ITFG1: variants seen among roughly 807,000 people sequenced by gnomAD.
ITFG1 encodes the protein T-cell immunomodulatory protein.
A neutral mutation model predicts 81.8 loss-of-function variants in ITFG1; 34 were observed. The ratio of observed to expected loss-of-function variants is 0.42; its 90% CI spans 0.32 to 0.55. ITFG1 has a LOEUF of 0.55. Ranked by LOEUF, ITFG1 falls within the 20% of genes least tolerant of loss-of-function variation. The probability of loss-of-function intolerance (pLI) is 0.17; values close to 1 mark genes in which losing one functional copy is unlikely to be tolerated. For missense variants in ITFG1, 672 were observed against 755.4 expected (o/e 0.89, Z 1.29); for synonymous variants, 285 against 270.6 (o/e 1.05, Z -0.52).
At chr16:47,434,751 C>T (rs537743759) in intron 5 of ITFG1, among the ~76,000 whole-genome samples, 81 of 152,062 alleles carry the variant, frequency 5.3e-4, no homozygotes, top group African/African-American at 1.8e-3. Flanking sequence ...ACGATAGCAA[C>T]GACATGGAAT....
intron 14 of ITFG1, among the ~76,000 whole-genome samples, chr16:47,171,169 C>A (rs537194969): frequency 6.6e-6 from 1 of 151,872 alleles, no homozygotes; most frequent in South Asian, 2.1e-4. Flanking sequence ...TGCATGCCAC[C>A]ACACATGGCT....
intron 12 of ITFG1, among the ~76,000 whole-genome samples, chr16:47,254,599 A>G (rs2151540071): frequency 6.6e-6 from 1 of 152,322 alleles, no homozygotes; most frequent in East Asian, 1.9e-4. Context: ...ATTCTATTTT[A>G]AGAGTATAAA....
rs1357001819 is a variant in ITFG1, at chr16:47,396,114, C to T, written c.656-20174G>A. The T allele has an allele frequency of 3.1e-6, 3 of 965,668 alleles. No homozygotes were observed. The East Asian group carries it at 3.4e-4, about 111-fold the overall frequency. The allele number at this position is 965,668 out of a possible 1,614,324, so 59.8% of individuals were successfully genotyped here. A position where few individuals can be genotyped will look rare whatever the true frequency, so the allele number is the denominator to read the frequency against. Reference sequence around the variant, plus strand: ...CAGAAAACACTCACCTATCCCTTTCCATTTTCTTAAGTATAGTGTGGTGGG... The same window carrying T: ...CAGAAAACACTCACCTATCCCTTTCTATTTTCTTAAGTATAGTGTGGTGGG... On this transcript the variant is annotated intron_variant, in intron 6 of 17. Transcript: ENST00000320640.
chr16:47,273,122 T>C lies in ITFG1; in HGVS notation c.1071-12427A>G, dbSNP rs149324626. 5.9e-4 allele frequency among the ~76,000 whole-genome samples: 90 copies of C among 152,054 alleles called. 1 individual carries two copies. The East Asian group carries it at 0.01, about 17-fold the overall frequency. On this transcript the variant is annotated intron_variant, in intron 10 of 17. Coordinates refer to ENST00000320640, the MANE Select transcript of ITFG1 (RefSeq NM_030790.5). ...TCCTTGGCTGTCCTTAGAGCTCATG[T>C]CCATTTTAGTCATTTCTATATTCAG...
At chr16:47,410,743 C>A (rs1299727605) in intron 6 of ITFG1, among the ~76,000 whole-genome samples, 1 of 152,190 alleles carries the variant, frequency 6.6e-6, no homozygotes, top group Non-Finnish European at 1.5e-5. Context: ...CACCCCACAA[C>A]CCCCATAGAC....
At chr16:47,336,734 A>C (rs1967708879) in intron 8 of ITFG1, among the ~76,000 whole-genome samples, 1 of 151,220 alleles carries the variant, frequency 6.6e-6, no homozygotes, top group African/African-American at 2.4e-5. Context: ...GAGGCCGAGG[A>C]GGCGGGTCAC....
At chr16:47,326,809 T>A (rs1206378418) in intron 8 of ITFG1, among the ~76,000 whole-genome samples, 1 of 151,998 alleles carries the variant, frequency 6.6e-6, no homozygotes, top group African/African-American at 2.4e-5. Context: ...AAACCACTGC[T>A]CAAGGAAATA....
intron 14 of ITFG1, among the ~76,000 whole-genome samples, chr16:47,199,708 A>G (rs896041953): frequency 1.3e-5 from 2 of 152,192 alleles, no homozygotes; most frequent in African/African-American, 4.8e-5. Flanking sequence ...GGGATGATTC[A>G]AGCACATTAT....
intron 10 of ITFG1, among the ~76,000 whole-genome samples, chr16:47,284,802 T>G (rs1966863546): frequency 1.3e-5 from 2 of 152,200 alleles, no homozygotes; most frequent in Non-Finnish European, 2.9e-5. Context: ...AAAAACAAAA[T>G]GTCCTCAAAT....
At chr16:47,330,990 A>G (rs1596901994) in intron 8 of ITFG1, among the ~76,000 whole-genome samples, 1 of 152,298 alleles carries the variant, frequency 6.6e-6, no homozygotes, top group East Asian at 1.9e-4. Flanking sequence ...TCAAAGGAAA[A>G]TAAATTGTTC....
In ITFG1 at chr16:47,161,826, G is replaced by A. The variant is rs1482343349; in HGVS notation, c.1585C>T (p.Arg529Ter). Residue 529 changes from arginine to a stop codon, truncating the protein, a stop_gained, in exon 16 of 18, where the codon CGA (arginine) becomes TGA (stop). Coordinates refer to ENST00000320640, the MANE Select transcript of ITFG1 (RefSeq NM_030790.5). LOFTEE classifies it high-confidence loss of function. ...IPRPSGEKSI[R>*]KQEWTAIIPN... is the part of the protein sequence containing the mutation. The stretch of plus-strand genomic sequence containing the variant: ...ATGATTGCAGTCCACTCTTGTTTTC[G>A]TATAGACTGGAAGAAGAATTTAAGA... The A allele has an allele frequency of 3.2e-6, 5 of 1,581,670 alleles. No homozygotes were observed. The highest frequency in any genetic ancestry group is 2.7e-5 in the African/African-American group (2 of 74,256).
At chr16:47,303,495 AG>A (rs60234725) in intron 10 of ITFG1, among the ~76,000 whole-genome samples, 152,010 of 152,292 alleles carry the variant, frequency 1, 75,864 homozygotes, top group East Asian at 1. Context: ...TATCAGCCTT[AG>A]GGGGGAAAAG....
chr16:47,391,270 A>G (rs925325556), intron 6 of ITFG1, among the ~76,000 whole-genome samples: 26 of 152,346 alleles, frequency 1.7e-4, no homozygotes, highest in African/African-American at 6.3e-4. Context: ...ACATTTGAGC[A>G]AAGTTTCTGA....
At chr16:47,274,417 A>G (rs1966376769) in intron 10 of ITFG1, among the ~76,000 whole-genome samples, 1 of 152,170 alleles carries the variant, frequency 6.6e-6, no homozygotes, top group Non-Finnish European at 1.5e-5. Context: ...ATGTATATAA[A>G]ATCAGCTATT....
chr16:47,247,570 C>T (rs527911955), intron 12 of ITFG1, among the ~76,000 whole-genome samples: 8 of 152,298 alleles, frequency 5.3e-5, no homozygotes, highest in African/African-American at 7.2e-5. Context: ...AGCAGGGCCA[C>T]GTCTTGCTGT....
intron 8 of ITFG1, 24 bp from the exon 9 acceptor site, chr16:47,313,847 C>A: frequency 1.5e-6 from 2 of 1,336,346 alleles, no homozygotes; most frequent in Non-Finnish European, 2.1e-6. Context: ...CTTCAAGAGT[C>A]CATTAATAGT....
intron 13 of ITFG1, among the ~76,000 whole-genome samples, chr16:47,227,745 A>G (rs1266074362): frequency 6.6e-6 from 1 of 152,220 alleles, no homozygotes; most frequent in Non-Finnish European, 1.5e-5. Flanking sequence ...ATGATGAAAT[A>G]AAAATGGAAA....
intron 14 of ITFG1, among the ~76,000 whole-genome samples, chr16:47,164,314 T>A (rs970507230): frequency 6.6e-6 from 1 of 152,164 alleles, no homozygotes; most frequent in African/African-American, 2.4e-5. Flanking sequence ...CCTGGGTCAG[T>A]ATTATTTAGT....
chr16:47,218,888 C>T lies in ITFG1; in HGVS notation c.1433G>A (p.Gly478Glu), dbSNP rs750892615. ...CTTACCTGATCCATTTTTCAGATAC[C>T]CATTTGCATCTACAGTTGTATACAT... ...YIMYTTVDAN[G>E]YLKNGSAGQL... Residue 478 changes from glycine (G) to glutamate (E), a missense_variant, in exon 14 of 18, where the codon GGG (glycine) becomes GAG (glutamate). Gly to Glu is a moderately conservative substitution (Grantham distance 98, BLOSUM62 -2). Coordinates refer to ENST00000320640, the MANE Select transcript of ITFG1 (RefSeq NM_030790.5). 3.1e-6 allele frequency: 5 copies of T among 1,594,454 alleles called. No homozygotes were observed. The highest frequency in any genetic ancestry group is 4.3e-6 in the Non-Finnish European group (5 of 1,169,510).
Sources: gnomAD v4.1 joint callset for allele counts (sites outside exome capture counted in the v4.1 genomes callset) on GRCh38, gnomAD v4.1.1 for gene constraint, MANE v1.5 for transcripts, NCBI Gene and HGNC (gene_info 2026-07-23, HGNC 2026-07-21) for gene names.